EPHA6: variants seen among roughly 807,000 people sequenced by gnomAD.
EPHA6 encodes ephrin type-A receptor 6.
Under a neutral mutation model 112.0 loss-of-function variants are expected in EPHA6, and 50 were observed. The observed-to-expected ratio is 0.45, with a 90% CI of 0.36 to 0.56. The LOEUF (loss-of-function observed/expected upper bound fraction) is 0.56, where lower values mean the gene tolerates loss of function less well. Among genes scored for constraint, EPHA6 ranks in the 20% least tolerant of loss-of-function variants. The pLI is 0.00. For synonymous variants in EPHA6, 529 were observed against 490.7 expected (o/e 1.08, Z -1.03); for missense variants, 1,280 against 1,417.4 (o/e 0.90, Z 1.56).
At chr3:97,686,123 G>T (rs1020198435) in intron 14 of EPHA6, among the ~76,000 whole-genome samples, 2 of 152,014 alleles carry the variant, frequency 1.3e-5, no homozygotes, top group Non-Finnish European at 2.9e-5. Flanking sequence ...AGCACATTTA[G>T]AAATTATAAA....
chr3:96,901,071 G>A (rs1273374352), intron 2 of EPHA6, among the ~76,000 whole-genome samples: 1 of 152,136 alleles, frequency 6.6e-6, no homozygotes, highest in Admixed American at 6.6e-5. Context: ...ATAGAAAAGA[G>A]CTAATATTAT....
chr3:97,714,895 G>A (rs2034144134), intron 14 of EPHA6, among the ~76,000 whole-genome samples: 1 of 152,190 alleles, frequency 6.6e-6, no homozygotes, highest in African/African-American at 2.4e-5. Flanking sequence ...TCTGACATCA[G>A]TAAGACTCCA....
At chr3:97,728,492 A>T (rs2034884219) in intron 15 of EPHA6, among the ~76,000 whole-genome samples, 1 of 152,236 alleles carries the variant, frequency 6.6e-6, no homozygotes, top group East Asian at 1.9e-4. Flanking sequence ...TTTTTGTCTC[A>T]GTATAGAGGT....
intron 6 of EPHA6, among the ~76,000 whole-genome samples, chr3:97,423,995 G>A (rs1026253630): frequency 1.3e-5 from 2 of 152,156 alleles, no homozygotes; most frequent in Non-Finnish European, 2.9e-5. Flanking sequence ...TCTCTTCTCA[G>A]GCTGCTAATA....
chr3:97,234,185 A>G (rs972736882), intron 4 of EPHA6, among the ~76,000 whole-genome samples: 3 of 152,128 alleles, frequency 2.0e-5, no homozygotes, highest in South Asian at 2.1e-4. Flanking sequence ...AATCCTTCCA[A>G]TTGTTGGGGG....
intron 12 of EPHA6, 110 bp downstream of exon 12, chr3:97,592,847 A>G (rs1473903627): frequency 6.6e-6 from 8 of 1,205,694 alleles, no homozygotes; most frequent in Non-Finnish European, 8.8e-6. Flanking sequence ...ATTGTGGAAA[A>G]GAAATGTAAG....
At chr3:97,513,006 T>C (rs2092391845) in intron 10 of EPHA6, among the ~76,000 whole-genome samples, 1 of 152,202 alleles carries the variant, frequency 6.6e-6, no homozygotes, top group South Asian at 2.1e-4. Flanking sequence ...AGTGTGTACT[T>C]TCACATAGAG....
chr3:97,262,455 A>G (rs2108621798), intron 5 of EPHA6, among the ~76,000 whole-genome samples: 1 of 152,316 alleles, frequency 6.6e-6, no homozygotes, highest in Non-Finnish European at 1.5e-5. Context: ...TAATCAAGGA[A>G]GACTTCAAAT....
chr3:97,149,158 A>G (rs1347030664), intron 3 of EPHA6, among the ~76,000 whole-genome samples: 1 of 152,110 alleles, frequency 6.6e-6, no homozygotes, highest in East Asian at 1.9e-4. Flanking sequence ...CTGGCCCATG[A>G]CTAAAAGAAC....
At chr3:97,480,924 C>T (rs951884920) in intron 9 of EPHA6, among the ~76,000 whole-genome samples, 8 of 151,596 alleles carry the variant, frequency 5.3e-5, no homozygotes, top group South Asian at 2.1e-4. Context: ...AATGGGCGGC[C>T]GGGCAAAGAC....
intron 3 of EPHA6, among the ~76,000 whole-genome samples, chr3:97,118,615 G>A (rs183902275): frequency 2.9e-4 from 44 of 151,732 alleles, no homozygotes; most frequent in African/African-American, 8.9e-4. Flanking sequence ...TTCAGTTTGA[G>A]GACCTACTAG....
chr3:97,365,143 A>C (rs1378565985), intron 5 of EPHA6, among the ~76,000 whole-genome samples: 2 of 152,216 alleles, frequency 1.3e-5, no homozygotes, highest in African/African-American at 4.8e-5. Flanking sequence ...GCAAATGAAT[A>C]TCTCTTAAAT....
At chr3:97,589,992 C>G (rs1173875553) in intron 11 of EPHA6, among the ~76,000 whole-genome samples, 1 of 152,062 alleles carries the variant, frequency 6.6e-6, no homozygotes, top group African/African-American at 2.4e-5. Context: ...ATATCAAACC[C>G]CAAAACTTAA....
intron 3 of EPHA6, among the ~76,000 whole-genome samples, chr3:96,992,588 T>C (rs1007824296): frequency 3.3e-5 from 5 of 152,186 alleles, no homozygotes; most frequent in African/African-American, 4.8e-5. Flanking sequence ...TTTAGTATGT[T>C]TTATTTCAGG....
intron 2 of EPHA6, among the ~76,000 whole-genome samples, chr3:96,937,365 G>A (rs1041076376): frequency 8.5e-5 from 13 of 152,134 alleles, no homozygotes; most frequent in African/African-American, 3.1e-4. Context: ...CAGTGATGAT[G>A]AGCATTTTTT....
At chr3:97,121,680 C>T (rs529220097) in intron 3 of EPHA6, among the ~76,000 whole-genome samples, 2 of 152,054 alleles carry the variant, frequency 1.3e-5, no homozygotes, top group South Asian at 4.1e-4. Context: ...CCAAGAGGTT[C>T]CATCCAGTTA....
At chr3:97,243,087 C>G (rs149809533) in intron 4 of EPHA6, among the ~76,000 whole-genome samples, 1 of 151,644 alleles carries the variant, frequency 6.6e-6, no homozygotes, top group South Asian at 2.1e-4. Context: ...GAGTAATTAG[C>G]GGCTATCAAG....
chr3:97,138,532 C>T (rs1292445434), intron 3 of EPHA6, among the ~76,000 whole-genome samples: 2 of 152,216 alleles, frequency 1.3e-5, no homozygotes, highest in African/African-American at 2.4e-5. Flanking sequence ...ACCATTGCTT[C>T]ATCTGCATGT....
At chr3:97,728,447 T>G (rs8180073) in intron 15 of EPHA6, among the ~76,000 whole-genome samples, 1 of 152,230 alleles carries the variant, frequency 6.6e-6, no homozygotes, top group Middle Eastern at 3.4e-3. Flanking sequence ...CTTCCTAGCT[T>G]TACTTTACAA....
Sources: allele counts gnomAD v4.1 joint callset (sites outside exome capture counted in the v4.1 genomes callset), GRCh38; gene constraint gnomAD v4.1.1; transcripts MANE v1.5; gene names NCBI Gene and HGNC (gene_info 2026-07-23, HGNC 2026-07-21).